Variants in BRCA2 observed in about 807,000 individuals in gnomAD.
BRCA2 encodes the protein breast cancer type 2 susceptibility protein.
In BRCA2, 203 loss-of-function variants were observed where a neutral mutation model predicts 276.7. The ratio of observed to expected loss-of-function variants is 0.73; its 90% CI spans 0.65 to 0.82. The LOEUF (loss-of-function observed/expected upper bound fraction) is 0.82, where lower values mean the gene tolerates loss of function less well. Among genes scored for constraint, BRCA2 ranks in the 40% least tolerant of loss-of-function variants. The pLI, the probability that BRCA2 is intolerant of heterozygous loss-of-function variation, is 0.00. For missense variants in BRCA2, 3,920 were observed against 3,915.0 expected, an observed-to-expected ratio of 1.00 and a Z score of -0.03; for synonymous variants, 1,289 against 1,338.4, an observed-to-expected ratio of 0.96 and a Z score of 0.81.
In BRCA2 at chr13:32,338,989, T is replaced by C. The variant is rs1322421694; in HGVS notation, c.4634T>C (p.Leu1545Pro). The C allele has an allele frequency of 6.2e-7, 1 of 1,613,264 alleles. No individual in the cohort carries two copies. The highest frequency in any genetic ancestry group is 2.2e-5 in the East Asian group (1 of 44,876). ...GAATCTTTGGACAAAGTGAAAAACC[T>C]TTTTGATGAAAAAGAGCAAGGTACT... Reference protein sequence around the residue: ...AKESLDKVKNLFDEKEQGTSE... With the variant: ...AKESLDKVKNPFDEKEQGTSE... Residue 1545 changes from leucine (L) to proline (P), a missense_variant, in exon 11 of 27, where the codon CTT (leucine) becomes CCT (proline). This residue lies in a region of BRCA2 where 3,263 missense variants were observed against 3,156.9 expected (regional missense o/e 1.03). Transcript: ENST00000380152.
In BRCA2 at chr13:32,340,765, A is replaced by G. The variant is rs1566234528; in HGVS notation, c.6410A>G (p.Asn2137Ser). ...SKEFKLSNNL[N>S]VEGGSSENNH... ...GAATTTAAATTATCAAATAACTTAA[A>G]TGTTGAAGGTGGTTCTTCAGAAAAT... is the stretch of plus-strand genomic sequence containing the variant. The change falls in exon 11 of 27, where the codon AAT becomes AGT. Residue 2137 changes from asparagine to serine, a missense_variant. Coordinates refer to ENST00000380152, the MANE Select transcript of BRCA2 (RefSeq NM_000059.4). 6.2e-7 allele frequency: 1 copy of G among 1,600,424 alleles called. No homozygotes were observed. Among genetic ancestry groups the G allele is most frequent in the Non-Finnish European group, 8.5e-7 (1 of 1,175,620 alleles).
Position 32,340,264 on chromosome 13 carries a change from C to A in BRCA2, c.5909C>A (p.Ser1970Ter), listed in dbSNP as rs80358824. ...CSIGKLHKSV[S>*]SANTCGIFST... ...ATAGGGAAGCTTCATAAGTCAGTCT[C>A]ATCTGCAAATACTTGTGGGATTTTT... The change falls in exon 11 of 27, where the codon TCA becomes TAA. Residue 1970 changes from serine to a stop codon, truncating the protein, a stop_gained. Coordinates refer to ENST00000380152, the MANE Select transcript of BRCA2 (RefSeq NM_000059.4). LOFTEE classifies it high-confidence loss of function. 4.3e-6 allele frequency: 7 copies of A among 1,613,984 alleles called. No individual in the cohort carries two copies. The highest frequency in any genetic ancestry group is 5.9e-6 in the Non-Finnish European group (7 of 1,179,900).
chr13:32,359,699 A>T (rs1566243701), intron 16 of BRCA2, among the ~76,000 whole-genome samples: 1 of 152,238 alleles, frequency 6.6e-6, no homozygotes, highest in Non-Finnish European at 1.5e-5. Context: ...CTGCTTATAG[A>T]TTCCAGTAAG....
In BRCA2 at chr13:32,379,863, GCTAACATA is replaced by G. The variant is rs80359746; in HGVS notation, c.9069_9076del (p.Asn3024ValfsTer17). On this transcript the variant is annotated frameshift_variant, in exon 23 of 27. Transcript: ENST00000380152. LOFTEE classifies it high-confidence loss of function. ...AAAATCTAAAAGTAAATCTGAAAGAGCTAACATACAGTTAGCAGCGACAAAAAAAACTC... is the reference window on the plus strand; with the variant it reads ...AAAATCTAAAAGTAAATCTGAAAGAGCAGTTAGCAGCGACAAAAAAAACTC... The G allele has an allele frequency of 6.2e-7, 1 of 1,613,804 alleles. No homozygotes were observed. Among genetic ancestry groups the G allele is most frequent in the Non-Finnish European group, 8.5e-7 (1 of 1,179,812 alleles).
rs1057522376 is a variant in BRCA2 at position 32,337,997 on chromosome 13, G to A, written c.3642G>A (p.Val1214=). The A allele has an allele frequency of 1.2e-6, 2 of 1,612,800 alleles. No homozygotes were observed. Among genetic ancestry groups the A allele is most frequent in the Non-Finnish European group, 1.7e-6 (2 of 1,179,216 alleles). The change falls in exon 11 of 27, where the codon GTG becomes GTA. Residue 1214 remains valine (V), a synonymous_variant. Coordinates refer to ENST00000380152, the MANE Select transcript of BRCA2 (RefSeq NM_000059.4). ...ASGYLTDENE[V]GFRGFYSAHG... ...GTTATTTAACAGATGAAAATGAAGTGGGGTTTAGGGGCTTTTATTCTGCTC... is the reference window on the plus strand; with the variant it reads ...GTTATTTAACAGATGAAAATGAAGTAGGGTTTAGGGGCTTTTATTCTGCTC...
In BRCA2 at chr13:32,346,818, G is replaced by A; in HGVS notation, c.6938-9G>A. 2 of 1,596,872 alleles carry A rather than the reference G, an allele frequency of 1.3e-6. No homozygotes were observed. The highest frequency in any genetic ancestry group is 2.7e-5 in the African/African-American group (2 of 74,592). The stretch of plus-strand genomic sequence containing the variant: ...AACTAATATGTAATATAAAATAATT[G>A]TTTCCTAGGCACAATAAAAGATCGA... On this transcript the variant is annotated splice_polypyrimidine_tract_variant and intron_variant, in intron 12 of 26. Transcript: ENST00000380152.
intron 20 of BRCA2, 23 bp downstream of exon 20, chr13:32,371,123 C>T (rs2137601352): frequency 1.2e-6 from 2 of 1,608,064 alleles, no homozygotes; most frequent in South Asian, 1.1e-5. Context: ...ATATGGTACA[C>T]ATTGTTATTT....
In BRCA2 at chr13:32,332,624, A is replaced by T. The variant is rs431825280; in HGVS notation, c.1146A>T (p.Lys382Asn). ...NQKPFESGSD[K>N]ISKEVVPSLA... is the part of the protein sequence containing the mutation. ...AGCCCTTTGAGAGTGGAAGTGACAA[A>T]ATCTCCAAGGAAGTTGTACCGTCTT... The change falls in exon 10 of 27, where the codon AAA becomes AAT. Residue 382 changes from lysine to asparagine, a missense_variant. Physicochemically the swap from Lys to Asn is moderately conservative, Grantham distance 94. Coordinates refer to ENST00000380152, the MANE Select transcript of BRCA2 (RefSeq NM_000059.4). 1.2e-6 allele frequency: 2 copies of T among 1,614,108 alleles called. No homozygotes were observed. The highest frequency in any genetic ancestry group is 8.5e-7 in the Non-Finnish European group (1 of 1,179,984).
intron 11 of BRCA2, among the ~76,000 whole-genome samples, 174 bp downstream of exon 11, chr13:32,341,370 G>A (rs1049428544): frequency 2.0e-5 from 3 of 152,040 alleles, no homozygotes; most frequent in Non-Finnish European, 2.9e-5. Flanking sequence ...TTCAGTATTC[G>A]TATACAGATT....
intron 12 of BRCA2, among the ~76,000 whole-genome samples, chr13:32,346,058 TTTC>T (rs1244344988): frequency 3.3e-5 from 5 of 152,034 alleles, no homozygotes; most frequent in Admixed American, 6.6e-5. Flanking sequence ...GGATTTGTCT[TTTC>T]TTATTTAATT....
chr13:32,357,655 G>T (rs1593920522), intron 15 of BRCA2, 87 bp from the exon 16 acceptor site: 1 of 1,425,036 alleles, frequency 7.0e-7, no homozygotes, highest in East Asian at 2.3e-5. Context: ...GGTAAATTCA[G>T]TTTTGGTTTG....
rs772772727 is a variant in BRCA2, at chr13:32,339,616, A to G, written c.5261A>G (p.Asp1754Gly). 1.2e-6 allele frequency: 2 copies of G among 1,611,630 alleles called. No individual in the cohort carries two copies. Among genetic ancestry groups the G allele is most frequent in the Non-Finnish European group, 1.7e-6 (2 of 1,178,286 alleles). Residue 1754 changes from aspartate (D) to glycine (G), a missense_variant, in exon 11 of 27, where the codon GAT becomes GGT. Physicochemically the swap from Asp to Gly is moderately conservative, Grantham distance 94. Around this residue, in one of 2 missense-constraint regions of BRCA2, gnomAD observed 3,263 missense variants for 3,156.9 expected, o/e 1.03. Transcript: ENST00000380152. The stretch of plus-strand genomic sequence containing the variant: ...TCTAACAGCTATTCCTACCATTCTG[A>G]TGAGGTATATAATGATTCAGGATAT... ...SMSNSYSYHS[D>G]EVYNDSGYLS...
intron 3 of BRCA2, 69 bp from the exon 4 acceptor site, chr13:32,325,007 C>T (rs1314231135): frequency 1.7e-6 from 2 of 1,145,596 alleles, no homozygotes; most frequent in African/African-American, 3.1e-5. Context: ...TGTTTTTAAA[C>T]ACTTCCAAAG....
chr13:32,329,798 T>C (rs2072375691), intron 8 of BRCA2, among the ~76,000 whole-genome samples: 1 of 147,650 alleles, frequency 6.8e-6, no homozygotes, highest in Non-Finnish European at 1.5e-5. Flanking sequence ...ATTAAAAATG[T>C]GTAGTATTTA....
At chr13:32,395,697 A>G (rs1287520755) in intron 25 of BRCA2, among the ~76,000 whole-genome samples, 2 of 152,208 alleles carry the variant, frequency 1.3e-5, no homozygotes, top group East Asian at 3.8e-4. Flanking sequence ...AGTGAAGAAT[A>G]CACAAAAAAT....
chr13:32,333,520 GT>G, intron 10 of BRCA2, 133 bp downstream of exon 10: 1 of 1,015,668 alleles, frequency 9.8e-7, no homozygotes, highest in Non-Finnish European at 1.4e-6. Context: ...ATACATGATT[GT>G]TTAGGTCTTT....
intron 18 of BRCA2, among the ~76,000 whole-genome samples, chr13:32,367,100 G>T (rs1465787249): frequency 1.3e-5 from 2 of 152,046 alleles, no homozygotes; most frequent in African/African-American, 4.8e-5. Flanking sequence ...TAATAGAATA[G>T]ATTCTTACTG....
chr13:32,338,816 A>G lies in BRCA2; in HGVS notation c.4461A>G (p.Lys1487=), dbSNP rs786201350. The G allele has an allele frequency of 6.2e-7, 1 of 1,613,866 alleles. No homozygotes were observed. Reference sequence around the variant, plus strand: ...GTTATGAGGAAACAGACATAGTTAAACACAAAATACTGAAAGAAAGTGTCC... The same window carrying G: ...GTTATGAGGAAACAGACATAGTTAAGCACAAAATACTGAAAGAAAGTGTCC... The part of the protein sequence containing the change: ...ILSYEETDIV[K]HKILKESVPV... The change falls in exon 11 of 27, where the codon AAA becomes AAG. Residue 1487 remains lysine (K), a synonymous_variant. Coordinates refer to ENST00000380152, the MANE Select transcript of BRCA2 (RefSeq NM_000059.4).
intron 24 of BRCA2, chr13:32,385,033 T>C (rs2072948970): frequency 3.0e-6 from 1 of 332,846 alleles, no homozygotes. Context: ...AGAGAACATT[T>C]GCAAGAAGTT....
Sources: allele counts gnomAD v4.1 joint callset (sites outside exome capture counted in the v4.1 genomes callset), GRCh38; gene constraint gnomAD v4.1.1; regional missense constraint gnomAD v4.1.1; transcripts MANE v1.5; gene names NCBI Gene and HGNC (gene_info 2026-07-23, HGNC 2026-07-21).